The following ARHGAP26 variants were observed in gnomAD, a reference collection of about 807,000 sequenced individuals.
ARHGAP26 encodes rho GTPase-activating protein 26.
A neutral mutation model predicts 104.8 loss-of-function variants in ARHGAP26; 38 were observed. The ratio of observed to expected loss-of-function variants is 0.36; its 90% CI spans 0.28 to 0.48. The LOEUF (loss-of-function observed/expected upper bound fraction) is 0.48. Among genes scored for constraint, ARHGAP26 ranks in the 20% least tolerant of loss-of-function variants. ARHGAP26 has a pLI of 0.99. For missense variants in ARHGAP26, 704 were observed against 947.9 expected (o/e 0.74, Z 3.38); for synonymous variants, 341 against 340.0 (o/e 1.00, Z -0.03).
rs139677935 is a variant in ARHGAP26 at position 142,835,930 on chromosome 5, A to G, written c.155-37470A>G. Among the ~76,000 whole-genome samples the G allele has an allele frequency of 2.2e-3, 332 of 152,328 alleles. 3 individuals carry two copies. Among genetic ancestry groups the G allele is most frequent in the African/African-American group, 7.5e-3 (312 of 41,580 alleles). On this transcript the variant is annotated intron_variant, in intron 1 of 22. Transcript: ENST00000645722. ...TAAGATTAGTTTTAGTATTACACCC[A>G]TTTTATATATTAGGAAATTCAGGTA...
chr5:142,974,205 GT>G (rs71821935), intron 11 of ARHGAP26, among the ~76,000 whole-genome samples: 1,588 of 143,262 alleles, frequency 0.011, 24 homozygotes, highest in African/African-American at 0.036. Flanking sequence ...TTGTATTTCA[GT>G]TTTTTTTTTT....
At chr5:143,023,422 T>C (rs1021832311) in intron 12 of ARHGAP26, among the ~76,000 whole-genome samples, 3 of 151,764 alleles carry the variant, frequency 2.0e-5, no homozygotes, top group African/African-American at 7.3e-5. Context: ...AAAGCCTTGA[T>C]GGGATCGCCT....
chr5:142,867,768 G>A (rs1192135094), intron 1 of ARHGAP26: 1 of 152,204 alleles, frequency 6.6e-6, no homozygotes, highest in Non-Finnish European at 1.5e-5. Context: ...ATGAAGGGAG[G>A]TGGTCACATG....
chr5:142,803,426 G>C (rs12523120), intron 1 of ARHGAP26, among the ~76,000 whole-genome samples: 6,983 of 152,218 alleles, frequency 0.046, 330 homozygotes, highest in East Asian at 0.18. Flanking sequence ...ATAGGATGCA[G>C]AGGTATGATT....
intron 11 of ARHGAP26, among the ~76,000 whole-genome samples, chr5:143,009,192 T>G (rs1778403009): frequency 6.6e-6 from 1 of 152,050 alleles, no homozygotes; most frequent in Non-Finnish European, 1.5e-5. Flanking sequence ...CAGGCTAGAA[T>G]CAGAAGGCTG....
intron 6 of ARHGAP26, among the ~76,000 whole-genome samples, chr5:142,895,128 A>G (rs537804329): frequency 2.9e-4 from 44 of 152,368 alleles, no homozygotes; most frequent in African/African-American, 1.0e-3. Context: ...CTCGCAGACC[A>G]TGGATTTTCC....
At chr5:142,831,985 T>C (rs1321577181) in intron 1 of ARHGAP26, among the ~76,000 whole-genome samples, 2 of 152,100 alleles carry the variant, frequency 1.3e-5, no homozygotes, top group Admixed American at 1.3e-4. Context: ...AAAGCACAGG[T>C]TTGGCCATAT....
intron 1 of ARHGAP26, among the ~76,000 whole-genome samples, chr5:142,838,662 T>C (rs1457010065): frequency 6.6e-6 from 1 of 152,190 alleles, no homozygotes; most frequent in Non-Finnish European, 1.5e-5. Flanking sequence ...CTGTATATAG[T>C]GGGGCTTATA....
At chr5:143,209,967 A>C (rs1185022609) in intron 21 of ARHGAP26, among the ~76,000 whole-genome samples, 2 of 152,162 alleles carry the variant, frequency 1.3e-5, no homozygotes, top group Non-Finnish European at 1.5e-5. Context: ...GCCTCCCTCA[A>C]ATCCACTTCC....
intron 13 of ARHGAP26, among the ~76,000 whole-genome samples, chr5:143,040,352 G>A (rs569128251): frequency 1.2e-4 from 19 of 152,264 alleles, no homozygotes; most frequent in South Asian, 8.3e-4. Flanking sequence ...TGTCTACATA[G>A]GTCTTGTTGA....
At chr5:143,203,309 CAT>C (rs1808060749) in intron 20 of ARHGAP26, 1 of 152,120 alleles carries the variant, frequency 6.6e-6, no homozygotes, top group Admixed American at 6.5e-5. Flanking sequence ...GGCAAACAAA[CAT>C]ATAAAAAAAA....
chr5:143,016,471 G>C (rs1446432583), intron 12 of ARHGAP26, among the ~76,000 whole-genome samples: 1 of 152,110 alleles, frequency 6.6e-6, no homozygotes. Context: ...TTGGGAGGCC[G>C]AGGCGGGCGG....
rs560672341 is a variant in ARHGAP26, at chr5:142,985,332, A to G, written c.1108-28748A>G. On this transcript the variant is annotated intron_variant, in intron 11 of 22. Coordinates refer to ENST00000645722, the MANE Select transcript of ARHGAP26 (RefSeq NM_001135608.3). ...GGTTAATTTATTATTGAAGAAGAAC[A>G]CTTTAAATAACTTTAGTGTAGCCTA... Among the ~76,000 whole-genome samples, 5 of 152,302 alleles carry G rather than the reference A, an allele frequency of 3.3e-5. No homozygotes were observed. The South Asian group carries it at 1.0e-3, about 32-fold the overall frequency.
At chr5:143,204,808 A>T (rs961450130) in intron 20 of ARHGAP26, among the ~76,000 whole-genome samples, 5 of 144,710 alleles carry the variant, frequency 3.5e-5, no homozygotes, top group Non-Finnish European at 7.6e-5. Flanking sequence ...AAAGTCATTT[A>T]AAAAAAAAAA....
At chr5:143,114,691 C>T (rs1795197288) in intron 17 of ARHGAP26, among the ~76,000 whole-genome samples, 1 of 152,188 alleles carries the variant, frequency 6.6e-6, no homozygotes, top group African/African-American at 2.4e-5. Context: ...CCTACCCCAG[C>T]ACCTGCCTGT....
chr5:142,841,147 G>T (rs907786353), intron 1 of ARHGAP26, among the ~76,000 whole-genome samples: 3 of 152,074 alleles, frequency 2.0e-5, no homozygotes, highest in African/African-American at 7.2e-5. Context: ...TGGCTTCTTT[G>T]TATCAGCCTC....
intron 20 of ARHGAP26, among the ~76,000 whole-genome samples, chr5:143,148,967 G>A (rs947217079): frequency 6.6e-6 from 1 of 152,154 alleles, no homozygotes; most frequent in African/African-American, 2.4e-5. Context: ...GTAACTGTGG[G>A]CCCCTGAGTC....
chr5:142,927,573 A>G lies in ARHGAP26; in HGVS notation c.1029-4474A>G, dbSNP rs1764095936. On this transcript the variant is annotated intron_variant, in intron 10 of 22. Transcript: ENST00000645722. Reference sequence around the variant, plus strand: ...ATATACAACAGTTTATCCATTTATCAATGGATATTTATTTGTTGTTGTTTT... The same window carrying G: ...ATATACAACAGTTTATCCATTTATCGATGGATATTTATTTGTTGTTGTTTT... 2.0e-5 allele frequency among the ~76,000 whole-genome samples: 3 copies of G among 152,290 alleles called. No individual in the cohort carries two copies. In the South Asian group the frequency reaches 6.2e-4, roughly 32 times the overall value.
At chr5:142,913,543 G>A (rs1762107483) in intron 10 of ARHGAP26, among the ~76,000 whole-genome samples, 1 of 152,060 alleles carries the variant, frequency 6.6e-6, no homozygotes, top group Admixed American at 6.6e-5. Flanking sequence ...CTGAATCACT[G>A]GCTTGGTTTT....
Sources: allele counts gnomAD v4.1 joint callset (sites outside exome capture counted in the v4.1 genomes callset), GRCh38; gene constraint gnomAD v4.1.1; transcripts MANE v1.5; gene names NCBI Gene and HGNC (gene_info 2026-07-23, HGNC 2026-07-21).